HMCN1: variants seen among roughly 807,000 people sequenced by gnomAD.
The protein encoded by HMCN1 is hemicentin 1.
Under a neutral mutation model 625.9 loss-of-function variants are expected in HMCN1, and 321 were observed. The ratio of observed to expected loss-of-function variants is 0.51; its 90% CI spans 0.47 to 0.56. The LOEUF (loss-of-function observed/expected upper bound fraction) is 0.56. HMCN1 is among the 20% of genes least tolerant of loss of function. HMCN1 has a pLI of 0.00. For missense variants in HMCN1, 6,588 were observed against 6,887.3 expected (o/e 0.96, Z 1.54); for synonymous variants, 2,425 against 2,417.6 (o/e 1.00, Z -0.09).
In HMCN1 at chr1:186,117,554, T is replaced by C; in HGVS notation, c.11779T>C (p.Ser3927Pro). Residue 3927 changes from serine to proline, a missense_variant, in exon 77 of 107, where the codon TCA becomes CCA. Ser to Pro is a moderately conservative substitution (Grantham distance 74). Transcript: ENST00000271588. Reference sequence around the variant, plus strand: ...CACTGCTTCGGGAGTTCCATTTCCCTCAATTCACTGGACCAAAAATGGTAT... The same window carrying C: ...CACTGCTTCGGGAGTTCCATTTCCCCCAATTCACTGGACCAAAAATGGTAT... ...TCTASGVPFP[S>P]IHWTKNGIRL... The C allele has an allele frequency of 6.2e-7, 1 of 1,613,880 alleles. No homozygotes were observed. The highest frequency in any genetic ancestry group is 8.5e-7 in the Non-Finnish European group (1 of 1,179,826).
chr1:186,088,641 G>A lies in HMCN1; in HGVS notation c.9613G>A (p.Gly3205Arg), dbSNP rs775194711. ...SDSLEVRILS[G>R]GSKLQIARSQ... ...CTCACTGGAAGTTCGTATTTTGTCT[G>A]GAGGTAGCAAACTCCAGATTGCCCG... is the stretch of plus-strand genomic sequence containing the variant. The change falls in exon 63 of 107, where the codon GGA becomes AGA. Residue 3205 changes from glycine to arginine, a missense_variant. Gly to Arg is a moderately radical substitution (Grantham distance 125). Transcript: ENST00000271588. 6.2e-7 allele frequency: 1 copy of A among 1,611,950 alleles called. No homozygotes were observed. Among genetic ancestry groups the A allele is most frequent in the Admixed American group, 1.7e-5 (1 of 59,796 alleles).
At chr1:185,983,731 A>T (rs1190410851) in intron 18 of HMCN1, among the ~76,000 whole-genome samples, 1 of 152,216 alleles carries the variant, frequency 6.6e-6, no homozygotes. Flanking sequence ...GTTGAGGTTA[A>T]GTCCTTCTCC....
At position 186,095,334 on chromosome 1, in the gene HMCN1, C is replaced by G. The variant is rs1412175267; in HGVS notation, c.10386C>G (p.Thr3462=). Reference sequence around the variant, plus strand: ...CTATGGCATGCATTACTGATGGAACCCCAGCTCCCAGTATGGCCTGGCTTA... The same window carrying G: ...CTATGGCATGCATTACTGATGGAACGCCAGCTCCCAGTATGGCCTGGCTTA... ...STSMACITDG[T]PAPSMAWLRD... Residue 3462 remains threonine, a synonymous_variant, in exon 68 of 107, where the codon ACC becomes ACG. Transcript: ENST00000271588. 2 of 1,613,672 alleles carry G rather than the reference C, an allele frequency of 1.2e-6. No individual in the cohort carries two copies. Among genetic ancestry groups the G allele is most frequent in the Non-Finnish European group, 8.5e-7 (1 of 1,179,822 alleles).
intron 41 of HMCN1, 59 bp downstream of exon 41, chr1:186,045,922 T>C: frequency 8.0e-7 from 1 of 1,242,712 alleles, no homozygotes; most frequent in Admixed American, 1.7e-5. Context: ...GGTTTTGGTA[T>C]TACCCTATTT....
At chr1:185,753,460 C>T (rs2102100409) in intron 1 of HMCN1, among the ~76,000 whole-genome samples, 1 of 151,832 alleles carries the variant, frequency 6.6e-6, no homozygotes, top group South Asian at 2.1e-4. Context: ...TAATTTGTGG[C>T]CCTATTTTTA....
intron 11 of HMCN1, among the ~76,000 whole-genome samples, chr1:185,939,215 A>C (rs1304618819): frequency 1.3e-5 from 2 of 152,216 alleles, no homozygotes; most frequent in Admixed American, 1.3e-4. Context: ...TAACCTCAGA[A>C]ACTATGGCTG....
chr1:186,165,350 C>A (rs1027241628), intron 98 of HMCN1, among the ~76,000 whole-genome samples, 177 bp downstream of exon 98: 1 of 152,220 alleles, frequency 6.6e-6, no homozygotes, highest in African/African-American at 2.4e-5. Context: ...TGGAAAACCA[C>A]TCAGCATCAA....
At chr1:185,809,661 C>A (rs1659390360) in intron 1 of HMCN1, among the ~76,000 whole-genome samples, 1 of 151,940 alleles carries the variant, frequency 6.6e-6, no homozygotes, top group Non-Finnish European at 1.5e-5. Context: ...AGTATCTTAA[C>A]ACACTTTTTG....
intron 4 of HMCN1, among the ~76,000 whole-genome samples, chr1:185,884,446 TA>T (rs545829816): frequency 1.3e-5 from 2 of 152,134 alleles, no homozygotes; most frequent in South Asian, 4.1e-4. Context: ...CAGCTTCCCC[TA>T]ACTCAGATTT....
rs953907712 is a variant in HMCN1 at position 185,910,749 on chromosome 1, T to G, written c.794-925T>G. Among the ~76,000 whole-genome samples, 4 of 151,976 alleles carry G rather than the reference T, an allele frequency of 2.6e-5. No homozygotes were observed. In the South Asian group the frequency reaches 8.3e-4, roughly 32 times the overall value. On this transcript the variant is annotated intron_variant, in intron 5 of 106. Coordinates refer to ENST00000271588, the MANE Select transcript of HMCN1 (RefSeq NM_031935.3). ...CCACGCCTGGCTAATTTTTGTATTT[T>G]TAGTAGAGACAGGGTTTCACCATGT... is the stretch of plus-strand genomic sequence containing the variant.
In HMCN1 at chr1:186,104,674, C is replaced by T. The variant is rs979932827; in HGVS notation, c.10770+1006C>T. On this transcript the variant is annotated intron_variant, in intron 69 of 106. Coordinates refer to ENST00000271588, the MANE Select transcript of HMCN1 (RefSeq NM_031935.3). ...AGATTAAGTACTTATCTGCCAAGTA[C>T]TCATTGCTGCTCAGTGATGGAGCTA... Among the ~76,000 whole-genome samples the T allele has an allele frequency of 5.3e-5, 8 of 152,174 alleles. No individual in the cohort carries two copies. The South Asian group carries it at 1.4e-3, about 28-fold the overall frequency.
intron 4 of HMCN1, among the ~76,000 whole-genome samples, chr1:185,878,831 T>C (rs544344343): frequency 5.1e-4 from 78 of 152,218 alleles, no homozygotes; most frequent in Non-Finnish European, 9.4e-4. Context: ...CTTTCCTTTT[T>C]ACTCTGTGCG....
chr1:185,909,573 C>A, intron 5 of HMCN1, 65 bp downstream of exon 5: 1 of 1,406,500 alleles, frequency 7.1e-7, no homozygotes, highest in Non-Finnish European at 1.0e-6. Context: ...ACTTTTCACA[C>A]ACTTGTTTTT....
At chr1:185,896,234 C>A (rs1210794176) in intron 4 of HMCN1, among the ~76,000 whole-genome samples, 3 of 152,136 alleles carry the variant, frequency 2.0e-5, no homozygotes, top group East Asian at 1.9e-4. Flanking sequence ...CCGCGCCCGG[C>A]CAGTCTCATT....
Position 186,106,913 on chromosome 1 carries a change from G to A in HMCN1, c.10800G>A (p.Leu3600=), listed in dbSNP as rs1571359760. ...AGGATACAGGAAGATATACATGTCT[G>A]GCATCCAGTCCTGCAGGAGATGATG... ...QVEDTGRYTC[L]ASSPAGDDDK... The change falls in exon 70 of 107, where the codon CTG becomes CTA. Residue 3600 remains leucine, a synonymous_variant. Coordinates refer to ENST00000271588, the MANE Select transcript of HMCN1 (RefSeq NM_031935.3). 6.2e-7 allele frequency: 1 copy of A among 1,612,484 alleles called. No individual in the cohort carries two copies. Among genetic ancestry groups the A allele is most frequent in the Non-Finnish European group, 8.5e-7 (1 of 1,178,578 alleles).
At chr1:185,777,212 T>G (rs1039825902) in intron 1 of HMCN1, among the ~76,000 whole-genome samples, 1 of 152,114 alleles carries the variant, frequency 6.6e-6, no homozygotes, top group East Asian at 1.9e-4. Context: ...GAATGAAGAG[T>G]GTAGATGGAA....
intron 52 of HMCN1, 95 bp from the exon 53 acceptor site, chr1:186,074,646 A>G: frequency 9.2e-7 from 1 of 1,081,600 alleles, no homozygotes; most frequent in East Asian, 2.5e-5. Flanking sequence ...TTTTATTTTC[A>G]TTTATTTAAA....
At chr1:185,770,721 C>T (rs1010304633) in intron 1 of HMCN1, among the ~76,000 whole-genome samples, 1 of 152,186 alleles carries the variant, frequency 6.6e-6, no homozygotes, top group African/African-American at 2.4e-5. Context: ...ATACTTTTTA[C>T]ATTCCCATTA....
chr1:186,016,120 A>C lies in HMCN1; in HGVS notation c.5072A>C (p.Glu1691Ala). 6.2e-7 allele frequency: 1 copy of C among 1,613,488 alleles called. No individual in the cohort carries two copies. Among genetic ancestry groups the C allele is most frequent in the Non-Finnish European group, 8.5e-7 (1 of 1,179,588 alleles). The change falls in exon 32 of 107, where the codon GAA becomes GCA. Residue 1691 changes from glutamate (E) to alanine (A), a missense_variant. Physicochemically the swap from Glu to Ala is moderately radical, Grantham distance 107. Transcript: ENST00000271588. The part of the protein sequence containing the change: ...PVKANDNIRI[E>A]AGGKKLEIMS... ...AAAGCTAATGACAATATCCGCATAG[A>C]AGCTGGTGGGAAGAAACTCGAAATC...
Sources: allele counts gnomAD v4.1 joint callset (sites outside exome capture counted in the v4.1 genomes callset), GRCh38; gene constraint gnomAD v4.1.1; transcripts MANE v1.5; gene names NCBI Gene and HGNC (gene_info 2026-07-23, HGNC 2026-07-21).